The following KCTD8 variants were observed in gnomAD, a reference collection of about 807,000 sequenced individuals.
KCTD8 encodes BTB/POZ domain-containing protein KCTD8.
Under a neutral mutation model 31.5 loss-of-function variants are expected in KCTD8, and 27 were observed. That is an observed-to-expected ratio of 0.86 (90% confidence interval 0.63 to 1.18). KCTD8 has a LOEUF of 1.18. Among genes scored for constraint, KCTD8 ranks in the 50% most tolerant of loss-of-function variants. The pLI, the probability that KCTD8 is intolerant of heterozygous loss-of-function variation, is 0.00. For synonymous variants in KCTD8, 290 were observed against 280.0 expected (o/e 1.04, Z -0.36); for missense variants, 658 against 647.7 (o/e 1.02, Z -0.17).
At chr4:44,340,893 T>C (rs1056855858) in intron 1 of KCTD8, among the ~76,000 whole-genome samples, 18 of 152,028 alleles carry the variant, frequency 1.2e-4, no homozygotes, top group African/African-American at 4.3e-4. Context: ...TGTGATGATA[T>C]GTTCTACATT....
At chr4:44,446,472 T>C (rs4449448) in intron 1 of KCTD8, among the ~76,000 whole-genome samples, 30,123 of 152,038 alleles carry the variant, frequency 0.2, 3,326 homozygotes, top group African/African-American at 0.27. Flanking sequence ...AATCGCTCTC[T>C]AGTCGTTGTC....
At chr4:44,322,196 T>A (rs1050344805) in intron 1 of KCTD8, among the ~76,000 whole-genome samples, 6 of 152,200 alleles carry the variant, frequency 3.9e-5, no homozygotes, top group Admixed American at 6.5e-5. Context: ...ATAATGGCTA[T>A]ACCATTTTAC....
At chr4:44,247,448 ATG>A (rs144194013) in intron 1 of KCTD8, among the ~76,000 whole-genome samples, 1 of 151,374 alleles carries the variant, frequency 6.6e-6, no homozygotes, top group South Asian at 2.1e-4. Flanking sequence ...TAGTGTGTGT[ATG>A]TGTGTGTGTG....
chr4:44,261,953 C>T (rs960152727), intron 1 of KCTD8, among the ~76,000 whole-genome samples: 1 of 151,870 alleles, frequency 6.6e-6, no homozygotes, highest in Non-Finnish European at 1.5e-5. Flanking sequence ...AGAGGAGAGG[C>T]CTCAGAATTG....
intron 1 of KCTD8, among the ~76,000 whole-genome samples, chr4:44,304,973 T>C (rs1717758288): frequency 6.6e-6 from 1 of 150,834 alleles, no homozygotes; most frequent in Non-Finnish European, 1.5e-5. Context: ...AAAAAAAAAG[T>C]CCAGAACCAA....
intron 1 of KCTD8, among the ~76,000 whole-genome samples, chr4:44,316,795 GAAAAAAAAAAA>G (rs71188270): frequency 4.5e-4 from 18 of 40,358 alleles, no homozygotes; most frequent in African/African-American, 7.8e-4. Context: ...CTAAAAATAC[GAAAAAAAAAAA>G]AAAAAAAAAA....
chr4:44,216,315 G>A (rs188600125), intron 1 of KCTD8, among the ~76,000 whole-genome samples: 10 of 152,088 alleles, frequency 6.6e-5, no homozygotes, highest in East Asian at 3.9e-4. Context: ...ATATTAAATC[G>A]TATTGTGATA....
chr4:44,352,432 C>A (rs1719226995), intron 1 of KCTD8, among the ~76,000 whole-genome samples: 1 of 147,516 alleles, frequency 6.8e-6, no homozygotes, highest in South Asian at 2.1e-4. Flanking sequence ...GAGAATAGGA[C>A]ATAAAAAGAG....
chr4:44,344,498 A>G (rs996911961), intron 1 of KCTD8, among the ~76,000 whole-genome samples: 6 of 152,116 alleles, frequency 3.9e-5, no homozygotes, highest in Non-Finnish European at 8.8e-5. Flanking sequence ...ACTTAACACT[A>G]AACTAATTGT....
intron 1 of KCTD8, among the ~76,000 whole-genome samples, 157 bp from the exon 2 acceptor site, chr4:44,175,407 T>C (rs1713186001): frequency 6.6e-6 from 1 of 152,190 alleles, no homozygotes; most frequent in South Asian, 2.1e-4. Context: ...TGAGATTAAA[T>C]ACAAGACCTA....
chr4:44,398,478 C>A (rs1577654542), intron 1 of KCTD8, among the ~76,000 whole-genome samples: 2 of 152,160 alleles, frequency 1.3e-5, no homozygotes, highest in Admixed American at 6.6e-5. Context: ...CTAATTTATT[C>A]ATAAAGCATC....
intron 1 of KCTD8, among the ~76,000 whole-genome samples, chr4:44,241,836 A>C (rs1715464531): frequency 6.6e-6 from 1 of 152,220 alleles, no homozygotes; most frequent in Non-Finnish European, 1.5e-5. Context: ...GTAACCTGGT[A>C]ATGAAGATTG....
chr4:44,175,187 G>T lies in KCTD8; in HGVS notation c.1025C>A (p.Thr342Asn). The change falls in exon 2 of 2, where the codon ACT becomes AAT. Residue 342 changes from threonine (T) to asparagine (N), a missense_variant. Physicochemically the swap from Thr to Asn is moderately conservative, Grantham distance 65. Coordinates refer to ENST00000360029, the MANE Select transcript of KCTD8 (RefSeq NM_198353.3). Reference sequence around the variant, plus strand: ...AGTCCCACTTTCACTTCCTTTATCAGTGACTTTGTCATGTTTCCTATCTTC... The same window carrying T: ...AGTCCCACTTTCACTTCCTTTATCATTGACTTTGTCATGTTTCCTATCTTC... Reference protein sequence around the residue: ...EHEDRKHDKVTDKGSESGTSC... With the variant: ...EHEDRKHDKVNDKGSESGTSC... 1.2e-6 allele frequency: 2 copies of T among 1,610,948 alleles called. No homozygotes were observed.
At chr4:44,420,470 C>T (rs1017515784) in intron 1 of KCTD8, among the ~76,000 whole-genome samples, 2 of 152,264 alleles carry the variant, frequency 1.3e-5, no homozygotes, top group East Asian at 3.9e-4. Context: ...AGAGGCCATA[C>T]AGACTTGGTC....
chr4:44,445,790 T>C (rs1362179691), intron 1 of KCTD8, among the ~76,000 whole-genome samples: 1 of 152,176 alleles, frequency 6.6e-6, no homozygotes, highest in Non-Finnish European at 1.5e-5. Flanking sequence ...CCTTATCTTC[T>C]GAAATGTTTG....
chr4:44,285,100 G>A (rs1352088544), intron 1 of KCTD8, among the ~76,000 whole-genome samples: 1 of 152,142 alleles, frequency 6.6e-6, no homozygotes, highest in Non-Finnish European at 1.5e-5. Flanking sequence ...AATACCATTT[G>A]ACCCAGCAAT....
chr4:44,378,894 T>G (rs1028954095), intron 1 of KCTD8, among the ~76,000 whole-genome samples: 4 of 152,156 alleles, frequency 2.6e-5, no homozygotes, highest in Non-Finnish European at 5.9e-5. Context: ...CTGACAAGAC[T>G]AGTTTCTTCC....
chr4:44,177,718 A>T (rs1365742517), intron 1 of KCTD8, among the ~76,000 whole-genome samples: 1 of 152,146 alleles, frequency 6.6e-6, no homozygotes, highest in Non-Finnish European at 1.5e-5. Context: ...AGTCATGTGG[A>T]ACTTTAAGTC....
chr4:44,389,586 G>T (rs1577650464), intron 1 of KCTD8, among the ~76,000 whole-genome samples: 2 of 151,764 alleles, frequency 1.3e-5, no homozygotes, highest in South Asian at 2.1e-4. Flanking sequence ...GGAGCTGGGG[G>T]TGGGGGTGTG....
Sources: allele counts gnomAD v4.1 joint callset (sites outside exome capture counted in the v4.1 genomes callset), GRCh38; gene constraint gnomAD v4.1.1; transcripts MANE v1.5; gene names NCBI Gene and HGNC (gene_info 2026-07-23, HGNC 2026-07-21).